Variants in GPHN observed in about 807,000 individuals in gnomAD.
GPHN encodes gephyrin.
In GPHN, 17 loss-of-function variants were observed where a neutral mutation model predicts 95.5. The ratio of observed to expected loss-of-function variants is 0.18; its 90% CI spans 0.12 to 0.27. The LOEUF (loss-of-function observed/expected upper bound fraction) is 0.27. GPHN is among the 10% of genes least tolerant of loss of function. The pLI is 1.00. For missense variants in GPHN, 660 were observed against 978.1 expected (o/e 0.67, Z 4.34); for synonymous variants, 320 against 322.5 (o/e 0.99, Z 0.08).
At chr14:66,917,005 C>T (rs2065945407) in intron 6 of GPHN, among the ~76,000 whole-genome samples, 1 of 152,134 alleles carries the variant, frequency 6.6e-6, no homozygotes, top group Non-Finnish European at 1.5e-5. Context: ...ATAGCTAATC[C>T]ATCCACTAAA....
At chr14:66,544,214 T>C (rs1179233601) in intron 1 of GPHN, among the ~76,000 whole-genome samples, 1 of 152,168 alleles carries the variant, frequency 6.6e-6, no homozygotes, top group African/African-American at 2.4e-5. Flanking sequence ...TAGAATACTC[T>C]TTCCTCAGGA....
the GPHN span, among the ~76,000 whole-genome samples, chr14:67,700,677 T>A: frequency 1.1e-4 from 15 of 142,312 alleles, no homozygotes; most frequent in African/African-American, 3.8e-4. Context: ...ATCGCGGCAC[T>A]GCACTCCAGC....
At chr14:66,820,007 G>A (rs958550814) in intron 3 of GPHN, among the ~76,000 whole-genome samples, 3 of 152,042 alleles carry the variant, frequency 2.0e-5, no homozygotes, top group African/African-American at 7.2e-5. Context: ...TTTTTTATTA[G>A]AAGAGATATT....
chr14:66,697,060 T>C (rs886661916), intron 2 of GPHN, among the ~76,000 whole-genome samples: 3 of 152,240 alleles, frequency 2.0e-5, no homozygotes, highest in Admixed American at 2.0e-4. Flanking sequence ...TACACACTAA[T>C]ATTTTACATT....
chr14:66,647,225 A>G (rs188098042), intron 1 of GPHN, among the ~76,000 whole-genome samples: 3 of 151,418 alleles, frequency 2.0e-5, no homozygotes, highest in African/African-American at 7.3e-5. Flanking sequence ...TTAATTTTAA[A>G]AATAAAATAA....
At chr14:67,262,166 A>T in the GPHN span, among the ~76,000 whole-genome samples, 1 of 152,162 alleles carries the variant, frequency 6.6e-6, no homozygotes, top group African/African-American at 2.4e-5. Flanking sequence ...CAAATGAGAT[A>T]ATATACTTGG....
chr14:67,226,427 C>A, the GPHN span, among the ~76,000 whole-genome samples: 1 of 152,218 alleles, frequency 6.6e-6, no homozygotes, highest in Admixed American at 6.5e-5. Flanking sequence ...GTGGCACAAT[C>A]TTGGCTCACT....
intron 16 of GPHN, among the ~76,000 whole-genome samples, chr14:67,118,061 A>C (rs140187650): frequency 9.1e-4 from 139 of 152,316 alleles, no homozygotes; most frequent in African/African-American, 3.1e-3. Context: ...TCACCTTGAC[A>C]ATGTTGGGGA....
At chr14:66,570,477 T>C (rs2060642232) in intron 1 of GPHN, among the ~76,000 whole-genome samples, 1 of 152,010 alleles carries the variant, frequency 6.6e-6, no homozygotes, top group South Asian at 2.1e-4. Context: ...GCTAATTTTT[T>C]GTATTTTTGG....
the GPHN span, among the ~76,000 whole-genome samples, chr14:67,379,736 G>A: frequency 7.6e-6 from 1 of 131,500 alleles, no homozygotes; most frequent in Non-Finnish European, 1.5e-5. Context: ...CTCACTGCAA[G>A]CTCCGCCTCC....
rs2153717631 is a variant in GPHN, at chr14:67,159,320, TC to T, written c.1837-94del. The T allele has an allele frequency of 6.1e-6, 5 of 815,300 alleles. No homozygotes were observed. In the South Asian group the frequency reaches 7.0e-5, roughly 11 times the overall value. 50.5% of individuals were successfully genotyped at this position (815,300 alleles called of 1,614,324 possible). A position where few individuals can be genotyped will look rare whatever the true frequency, so the allele number is the denominator to read the frequency against. ...ATTAAAATAAGAAAGATGTTTCTTT[TC>T]ATTTCAATCTTATTAATTTAATGTT... is the stretch of plus-strand genomic sequence containing the variant. On this transcript the variant is annotated intron_variant, in intron 18 of 22. Coordinates refer to ENST00000478722, the MANE Select transcript of GPHN (RefSeq NM_020806.5).
intron 1 of GPHN, among the ~76,000 whole-genome samples, chr14:66,570,800 A>G (rs2060657272): frequency 1.3e-5 from 2 of 152,150 alleles, no homozygotes; most frequent in African/African-American, 4.8e-5. Context: ...TTTTGATAAT[A>G]GCCATTCTAA....
the GPHN span, among the ~76,000 whole-genome samples, chr14:67,599,162 C>T: frequency 6.6e-6 from 1 of 152,188 alleles, no homozygotes; most frequent in Admixed American, 6.5e-5. Context: ...ATCCAAGTTA[C>T]AAAAATAAAT....
chr14:67,131,632 T>C (rs549063516), intron 17 of GPHN, among the ~76,000 whole-genome samples: 3 of 152,314 alleles, frequency 2.0e-5, no homozygotes, highest in South Asian at 4.1e-4. Flanking sequence ...TGGTTCATTT[T>C]ATATTTCTGA....
chr14:67,471,047 C>T, the GPHN span: 1 of 152,200 alleles, frequency 6.6e-6, no homozygotes, highest in Non-Finnish European at 1.5e-5. Context: ...TTGTTGCCTT[C>T]CTTTGCTGGA....
chr14:66,746,062 T>G (rs915134530), intron 2 of GPHN, among the ~76,000 whole-genome samples: 8 of 152,114 alleles, frequency 5.3e-5, no homozygotes, highest in Non-Finnish European at 1.0e-4. Flanking sequence ...TATACCATAG[T>G]TTGTTTATCT....
intron 1 of GPHN, among the ~76,000 whole-genome samples, chr14:66,571,224 G>A (rs960488802): frequency 1.3e-5 from 2 of 152,122 alleles, no homozygotes; most frequent in African/African-American, 4.8e-5. Context: ...AGGGTGAAGT[G>A]GGAAGAGCCC....
chr14:67,180,755 G>A lies in GPHN; in HGVS notation c.2177-49G>A, dbSNP rs746015457. The stretch of plus-strand genomic sequence containing the variant: ...TGAAAAGGTCTACAAGGGCCCAACT[G>A]TATACGCCATGATGCTTATGCTGCT... On this transcript the variant is annotated intron_variant, in intron 22 of 22. Transcript: ENST00000478722. 4 of 1,593,504 alleles carry A rather than the reference G, an allele frequency of 2.5e-6. No homozygotes were observed. In the African/African-American group the frequency reaches 4.0e-5, roughly 16 times the overall value.
chr14:67,369,128 G>A, the GPHN span, among the ~76,000 whole-genome samples: 6 of 152,202 alleles, frequency 3.9e-5, no homozygotes, highest in Middle Eastern at 3.4e-3. Flanking sequence ...AGCAAGACTC[G>A]ACGATAATCC....
Sources: gnomAD v4.1 joint callset for allele counts (sites outside exome capture counted in the v4.1 genomes callset) on GRCh38, gnomAD v4.1.1 for gene constraint, MANE v1.5 for transcripts, NCBI Gene and HGNC (gene_info 2026-07-23, HGNC 2026-07-21) for gene names.